KCNQ5: variants seen among roughly 807,000 people sequenced by gnomAD.
KCNQ5 encodes the protein potassium voltage-gated channel subfamily Q member 5.
KCNQ5 carries 30 observed loss-of-function variants against 98.2 expected under a neutral mutation model. The ratio of observed to expected loss-of-function variants is 0.31; its 90% CI spans 0.23 to 0.41. KCNQ5 has a LOEUF of 0.41. Ranked by LOEUF, KCNQ5 falls within the 10% of genes least tolerant of loss-of-function variation. KCNQ5 has a pLI of 1.00. For synonymous variants in KCNQ5, 458 were observed against 449.4 expected, an observed-to-expected ratio of 1.02 and a Z score of -0.24; for missense variants, 835 against 1,182.5, an observed-to-expected ratio of 0.71 and a Z score of 4.31.
chr6:73,181,834 C>T (rs974188075), intron 11 of KCNQ5, among the ~76,000 whole-genome samples: 1 of 152,220 alleles, frequency 6.6e-6, no homozygotes, highest in Non-Finnish European at 1.5e-5. Flanking sequence ...GTTACTTAAC[C>T]TCTCTGTGCC....
intron 5 of KCNQ5, among the ~76,000 whole-genome samples, chr6:73,091,088 A>G (rs4292489): frequency 0.87 from 132,734 of 152,194 alleles, 58,604 homozygotes; most frequent in South Asian, 0.96. Flanking sequence ...CCCATCAATG[A>G]TAGACTGGAT....
intron 5 of KCNQ5, among the ~76,000 whole-genome samples, chr6:73,096,272 C>A (rs1488684797): frequency 6.9e-6 from 1 of 145,580 alleles, no homozygotes; most frequent in African/African-American, 2.6e-5. Flanking sequence ...CAGCAGGTAC[C>A]TGAATGCAAA....
chr6:73,051,705 C>CAAAAAAAAAAAAAAAAAA (rs201199934), intron 3 of KCNQ5, among the ~76,000 whole-genome samples: 3 of 97,178 alleles, frequency 3.1e-5, no homozygotes, highest in African/African-American at 1.2e-4. Flanking sequence ...AAGATAGAGG[C>CAAAAAAAAAAAAAAAAAA]AAAAAAAAAA....
chr6:72,749,013 T>G (rs1369227401), intron 1 of KCNQ5, among the ~76,000 whole-genome samples: 1 of 152,164 alleles, frequency 6.6e-6, no homozygotes, highest in Non-Finnish European at 1.5e-5. Context: ...TGACCACCTG[T>G]GGTTTGCCCA....
At chr6:72,725,232 G>T (rs1770203838) in intron 1 of KCNQ5, among the ~76,000 whole-genome samples, 1 of 151,850 alleles carries the variant, frequency 6.6e-6, no homozygotes, top group Non-Finnish European at 1.5e-5. Flanking sequence ...ATTACATTGG[G>T]TTATATTAAC....
intron 1 of KCNQ5, among the ~76,000 whole-genome samples, chr6:72,973,408 AT>A (rs1006961973): frequency 1.0e-3 from 154 of 149,638 alleles, no homozygotes; most frequent in African/African-American, 3.7e-3. Flanking sequence ...GCATTTTGCA[AT>A]TTTTTTTTTA....
At chr6:73,108,974 A>G (rs756077630) in intron 6 of KCNQ5, among the ~76,000 whole-genome samples, 3 of 152,222 alleles carry the variant, frequency 2.0e-5, no homozygotes, top group Non-Finnish European at 4.4e-5. Flanking sequence ...AAGGGATGAC[A>G]TATATGTTCA....
Position 73,077,308 on chromosome 6 carries a change from CCT to C in KCNQ5, c.617-13_617-12del. The C allele has an allele frequency of 1.9e-6, 3 of 1,610,902 alleles. No homozygotes were observed. Among genetic ancestry groups the C allele is most frequent in the Non-Finnish European group, 2.5e-6 (3 of 1,178,586 alleles). The stretch of plus-strand genomic sequence containing the variant: ...GTCGTGCTAACTGTGGCTATTTCGA[CCT>C]GTTTCTTTCAGATACCATTGTTCTT... On this transcript the variant is annotated splice_polypyrimidine_tract_variant and intron_variant, in intron 3 of 13. Coordinates refer to ENST00000370398, the MANE Select transcript of KCNQ5 (RefSeq NM_019842.4).
intron 1 of KCNQ5, among the ~76,000 whole-genome samples, chr6:72,923,065 G>T (rs998293193): frequency 6.6e-6 from 1 of 151,990 alleles, no homozygotes; most frequent in Non-Finnish European, 1.5e-5. Context: ...ACCTGCCTCT[G>T]CCTCCCAAAG....
chr6:72,696,488 GAAGAAT>G (rs1768509609), intron 1 of KCNQ5, among the ~76,000 whole-genome samples: 1 of 152,126 alleles, frequency 6.6e-6, no homozygotes, highest in African/African-American at 2.4e-5. Context: ...GATAATTACA[GAAGAAT>G]AATAAGACAT....
intron 3 of KCNQ5, among the ~76,000 whole-genome samples, chr6:73,062,753 A>G (rs745614241): frequency 1.2e-4 from 19 of 152,174 alleles, no homozygotes; most frequent in Non-Finnish European, 2.8e-4. Flanking sequence ...CTTAATTTGC[A>G]TGCATGCTTT....
At chr6:73,096,336 C>CAAA (rs151045845) in intron 5 of KCNQ5, among the ~76,000 whole-genome samples, 15,582 of 115,048 alleles carry the variant, frequency 0.14, 2,459 homozygotes, top group African/African-American at 0.36. Flanking sequence ...GGTCCTTAGG[C>CAAA]AAAAAAAAAA....
intron 1 of KCNQ5, among the ~76,000 whole-genome samples, chr6:72,774,321 A>G (rs990547304): frequency 6.6e-6 from 1 of 152,134 alleles, no homozygotes; most frequent in Non-Finnish European, 1.5e-5. Context: ...CTGAACTCCA[A>G]TAAAACTTTA....
chr6:72,911,399 C>T (rs1261852996), intron 1 of KCNQ5, among the ~76,000 whole-genome samples: 2 of 152,048 alleles, frequency 1.3e-5, no homozygotes, highest in African/African-American at 2.4e-5. Flanking sequence ...GTCTGCAACC[C>T]GGAAGGGGGC....
At chr6:72,950,562 A>G (rs1457727315) in intron 1 of KCNQ5, among the ~76,000 whole-genome samples, 1 of 152,206 alleles carries the variant, frequency 6.6e-6, no homozygotes, top group Non-Finnish European at 1.5e-5. Context: ...CACTTCCTCC[A>G]GTGGCATGAG....
intron 5 of KCNQ5, among the ~76,000 whole-genome samples, chr6:73,098,131 A>G (rs1454041322): frequency 6.6e-6 from 1 of 152,160 alleles, no homozygotes; most frequent in East Asian, 1.9e-4. Flanking sequence ...TGCAACTGAC[A>G]TACTGAAGAA....
chr6:72,623,467 A>G (rs11758568), intron 1 of KCNQ5, among the ~76,000 whole-genome samples: 25,788 of 151,276 alleles, frequency 0.17, 2,542 homozygotes, highest in Middle Eastern at 0.25. Context: ...CTTAATGAGA[A>G]AATGATTGGA....
Position 73,120,581 on chromosome 6 carries a change from G to A in KCNQ5, c.1220+4G>A, listed in dbSNP as rs1582394750. On this transcript the variant is annotated splice_donor_region_variant and intron_variant, in intron 8 of 13. Transcript: ENST00000370398. ...TGCACACCTGCAGCCCTACCAAGTA[G>A]GTATCAGTGTGACAGCTGCCACTGT... 2 of 1,598,426 alleles carry A rather than the reference G, an allele frequency of 1.3e-6. No individual in the cohort carries two copies. The highest frequency in any genetic ancestry group is 4.5e-5 in the East Asian group (2 of 44,674).
At chr6:73,124,651 G>T (rs538502446) in intron 9 of KCNQ5, 139 bp downstream of exon 9, 16 of 783,604 alleles carry the variant, frequency 2.0e-5, no homozygotes, top group Non-Finnish European at 3.3e-5. Context: ...TGCCTGCAAA[G>T]ATTGCTATTT....
Sources: allele counts gnomAD v4.1 joint callset (sites outside exome capture counted in the v4.1 genomes callset), GRCh38; gene constraint gnomAD v4.1.1; transcripts MANE v1.5; gene names NCBI Gene and HGNC (gene_info 2026-07-23, HGNC 2026-07-21).